The following NRXN1 variants were observed in gnomAD, a reference collection of about 807,000 sequenced individuals.
The protein encoded by NRXN1 is neurexin 1.
NRXN1 carries 39 observed loss-of-function variants against 150.9 expected under a neutral mutation model. The ratio of observed to expected loss-of-function variants is 0.26; its 90% CI spans 0.20 to 0.34. NRXN1 has a LOEUF of 0.34. Ranked by LOEUF, NRXN1 falls within the 10% of genes least tolerant of loss-of-function variation. NRXN1 has a pLI of 1.00. For missense variants in NRXN1, 1,815 were observed against 1,949.9 expected, an observed-to-expected ratio of 0.93 and a Z score of 1.30; for synonymous variants, 924 against 757.0, an observed-to-expected ratio of 1.22 and a Z score of -3.62.
At chr2:50,659,489 G>T (rs1222785154) in intron 5 of NRXN1, among the ~76,000 whole-genome samples, 1 of 151,200 alleles carries the variant, frequency 6.6e-6, no homozygotes, top group African/African-American at 2.4e-5. Flanking sequence ...TACTGTCTGG[G>T]GGCAATCTAT....
At chr2:50,184,971 T>A (rs1033735400) in intron 18 of NRXN1, among the ~76,000 whole-genome samples, 4 of 152,084 alleles carry the variant, frequency 2.6e-5, no homozygotes, top group Non-Finnish European at 1.5e-5. Flanking sequence ...TAGCGCCACG[T>A]AGGTGGCCTC....
intron 5 of NRXN1, among the ~76,000 whole-genome samples, chr2:50,724,122 C>G (rs886851104): frequency 1.3e-5 from 2 of 152,132 alleles, no homozygotes; most frequent in African/African-American, 2.4e-5. Context: ...ATAAGATCCT[C>G]TAGGGTGACA....
intron 17 of NRXN1, among the ~76,000 whole-genome samples, chr2:50,455,423 C>T (rs1014201630): frequency 1.3e-5 from 2 of 152,084 alleles, no homozygotes; most frequent in African/African-American, 4.8e-5. Flanking sequence ...CTCTATAGAT[C>T]AATTTTAGTT....
chr2:50,135,596 C>T (rs550008796), intron 18 of NRXN1, among the ~76,000 whole-genome samples: 41 of 152,140 alleles, frequency 2.7e-4, no homozygotes, highest in Admixed American at 1.8e-3. Context: ...GAGGCTGAGG[C>T]GGGAGACTGG....
At chr2:50,697,072 A>C (rs1693010419) in intron 5 of NRXN1, among the ~76,000 whole-genome samples, 1 of 152,148 alleles carries the variant, frequency 6.6e-6, no homozygotes, top group Non-Finnish European at 1.5e-5. Context: ...CAATAAGACA[A>C]TATGAATACC....
chr2:50,150,889 T>C (rs1285995634), intron 18 of NRXN1, among the ~76,000 whole-genome samples: 1 of 151,658 alleles, frequency 6.6e-6, no homozygotes, highest in Non-Finnish European at 1.5e-5. Flanking sequence ...ACACATTTGA[T>C]TGGTCCAGGA....
In NRXN1 at chr2:50,396,102, A is replaced by G. The variant is rs193198726; in HGVS notation, c.3364+69340T>C. Among the ~76,000 whole-genome samples, 16 of 152,314 alleles carry G rather than the reference A, an allele frequency of 1.1e-4. No individual in the cohort carries two copies. The East Asian group carries it at 3.1e-3, about 29-fold the overall frequency. ...AGTTTACTGAGAATTCTAATTCAATATCCTAATGAGAAAGCTGGCTGCTAC... is the reference window on the plus strand; with the variant it reads ...AGTTTACTGAGAATTCTAATTCAATGTCCTAATGAGAAAGCTGGCTGCTAC... On this transcript the variant is annotated intron_variant, in intron 17 of 22. Transcript: ENST00000401669.
intron 17 of NRXN1, among the ~76,000 whole-genome samples, chr2:50,460,086 A>T (rs981382228): frequency 3.9e-5 from 6 of 152,156 alleles, no homozygotes; most frequent in African/African-American, 1.2e-4. Context: ...GGTGACTAGC[A>T]AAACCTCCTC....
intron 17 of NRXN1, among the ~76,000 whole-genome samples, chr2:50,251,148 C>A (rs1256708667): frequency 1.3e-5 from 2 of 151,360 alleles, no homozygotes; most frequent in African/African-American, 4.9e-5. Flanking sequence ...TATTGAGCCC[C>A]ACATGTGTTA....
chr2:50,765,359 T>G (rs1222656652), intron 5 of NRXN1, among the ~76,000 whole-genome samples: 1 of 152,012 alleles, frequency 6.6e-6, no homozygotes, highest in Non-Finnish European at 1.5e-5. Flanking sequence ...CAGGAGCTCC[T>G]CTCAGACATC....
At chr2:51,016,936 G>A (rs908206703) in intron 2 of NRXN1, among the ~76,000 whole-genome samples, 8 of 152,136 alleles carry the variant, frequency 5.3e-5, no homozygotes, top group African/African-American at 1.9e-4. Flanking sequence ...AAAAAAGGAT[G>A]AGTTCATGTC....
chr2:50,951,432 A>G (rs1049531297), intron 2 of NRXN1, among the ~76,000 whole-genome samples: 2 of 152,338 alleles, frequency 1.3e-5, no homozygotes, highest in East Asian at 3.9e-4. Context: ...TAACTTGTGT[A>G]TAATTATCTG....
chr2:50,811,614 C>T (rs1668222097), intron 5 of NRXN1, among the ~76,000 whole-genome samples: 2 of 152,196 alleles, frequency 1.3e-5, no homozygotes, highest in South Asian at 2.1e-4. Flanking sequence ...TGAATATTAT[C>T]CTAGACAAGT....
intron 17 of NRXN1, among the ~76,000 whole-genome samples, chr2:50,292,157 G>A (rs1408111656): frequency 6.6e-6 from 1 of 152,080 alleles, no homozygotes; most frequent in Non-Finnish European, 1.5e-5. Context: ...TAGTAAAGGA[G>A]GTTTTTTACA....
At chr2:49,923,555 A>T (rs1014195990) in intron 22 of NRXN1, among the ~76,000 whole-genome samples, 1 of 152,146 alleles carries the variant, frequency 6.6e-6, no homozygotes, top group African/African-American at 2.4e-5. Context: ...AAGAAGACTA[A>T]AATTGTGCTT....
chr2:50,902,976 T>C (rs1257579344), intron 5 of NRXN1, among the ~76,000 whole-genome samples: 1 of 152,138 alleles, frequency 6.6e-6, no homozygotes, highest in Non-Finnish European at 1.5e-5. Context: ...AGAAAACTGC[T>C]TTTACAAACC....
At chr2:50,577,331 T>C (rs12613518) in intron 8 of NRXN1, among the ~76,000 whole-genome samples, 42,051 of 151,616 alleles carry the variant, frequency 0.28, 6,257 homozygotes, top group East Asian at 0.53. Flanking sequence ...TCAACTGTAA[T>C]AGATAAATGT....
intron 21 of NRXN1, among the ~76,000 whole-genome samples, chr2:49,944,256 T>C (rs559358966): frequency 6.6e-6 from 1 of 152,338 alleles, no homozygotes; most frequent in East Asian, 1.9e-4. Context: ...GAGATATAGC[T>C]TGTTATTGGA....
chr2:50,106,396 TCTC>T (rs1303688367), intron 18 of NRXN1, among the ~76,000 whole-genome samples: 5 of 151,968 alleles, frequency 3.3e-5, no homozygotes, highest in African/African-American at 4.8e-5. Context: ...CAAAACTCTT[TCTC>T]CTTAATCAAA....
Sources: gnomAD v4.1 joint callset for allele counts (sites outside exome capture counted in the v4.1 genomes callset) on GRCh38, gnomAD v4.1.1 for gene constraint, MANE v1.5 for transcripts, NCBI Gene and HGNC (gene_info 2026-07-23, HGNC 2026-07-21) for gene names.